EXOSC7: variants seen among roughly 807,000 people sequenced by gnomAD.
The protein encoded by EXOSC7 is exosome complex component RRP42.
A neutral mutation model predicts 34.3 loss-of-function variants in EXOSC7; 25 were observed. The observed-to-expected ratio is 0.73, with a 90% CI of 0.53 to 1.02. EXOSC7 has a LOEUF of 1.02. Among genes scored for constraint, EXOSC7 ranks in the 50% least tolerant of loss-of-function variants. The pLI, the probability that EXOSC7 is intolerant of heterozygous loss-of-function variation, is 0.00. For synonymous variants in EXOSC7, 130 were observed against 143.0 expected (o/e 0.91, Z 0.65); for missense variants, 370 against 368.5 (o/e 1.00, Z -0.03).
At position 44,977,639 on chromosome 3, in the gene EXOSC7, G is replaced by A. The variant is rs539627281; in HGVS notation, c.57+1305G>A. 4.6e-5 allele frequency among the ~76,000 whole-genome samples: 7 copies of A among 152,300 alleles called. No individual in the cohort carries two copies. In the South Asian group the frequency reaches 1.5e-3, roughly 32 times the overall value. ...TTTGTGTGTGAGGGGGCATAAAAAT[G>A]CCCAAAAGCAGTTAGATATGTCTTT... On this transcript the variant is annotated intron_variant, in intron 1 of 7. Coordinates refer to ENST00000265564, the MANE Select transcript of EXOSC7 (RefSeq NM_015004.4).
Position 44,979,598 on chromosome 3 carries a change from T to TC in EXOSC7, c.57+3269dup, listed in dbSNP as rs1553697879. On this transcript the variant is annotated intron_variant, in intron 1 of 7. Transcript: ENST00000265564. ...TCCTAATCTCTGCTGGTTTTTTTTT[T>TC]CCCCCTCTTTGCTTTGTTTTTGTCT... Among the ~76,000 whole-genome samples, 318 of 150,596 alleles carry TC rather than the reference T, an allele frequency of 2.1e-3. 2 individuals are homozygous for TC. The highest frequency in any genetic ancestry group is 6.2e-3 in the African/African-American group (253 of 41,048).
At position 44,976,254 on chromosome 3, in the gene EXOSC7, C is replaced by T. The variant is rs765609131; in HGVS notation, c.-24C>T. 2.3e-5 allele frequency: 35 copies of T among 1,533,922 alleles called. 1 individual carries two copies. The South Asian group carries it at 4.2e-4, about 18-fold the overall frequency. On this transcript the variant is annotated 5_prime_UTR_variant, in exon 1 of 8. Transcript: ENST00000265564. ...GGAGGGGACGCGCGCAGATGACGTG[C>T]GGCTCGTGGGGCAGCTCGGCAGCAT... is the stretch of plus-strand genomic sequence containing the variant.
In EXOSC7 at chr3:45,011,339, AT is replaced by A; in HGVS notation, c.*3del. 6.3e-7 allele frequency: 1 copy of A among 1,586,624 alleles called. No homozygotes were observed. The highest frequency in any genetic ancestry group is 8.6e-7 in the Non-Finnish European group (1 of 1,156,692). ...GACAGAAAGTTGGATTCCTGGGATG[AT>A]TTGCACATCAACTGCTCAACTGTGG... On this transcript the variant is annotated 3_prime_UTR_variant, in exon 8 of 8. Transcript: ENST00000265564.
rs144128069 is a variant in EXOSC7, at chr3:44,976,642, G to T, written c.57+308G>T. On this transcript the variant is annotated intron_variant, in intron 1 of 7. Coordinates refer to ENST00000265564, the MANE Select transcript of EXOSC7 (RefSeq NM_015004.4). ...CCCCAGGGCCATCCATTCGGCGTTC[G>T]CGCACAGATCTTGTCCGAGCCTCAG... Among the ~76,000 whole-genome samples, 16 of 152,302 alleles carry T rather than the reference G, an allele frequency of 1.1e-4. No individual in the cohort carries two copies. The East Asian group carries it at 3.1e-3, about 29-fold the overall frequency.
At chr3:44,996,033 C>G (rs1187667155) in intron 3 of EXOSC7, among the ~76,000 whole-genome samples, 1 of 152,166 alleles carries the variant, frequency 6.6e-6, no homozygotes, top group Admixed American at 6.5e-5. Flanking sequence ...ACTGTTTGCT[C>G]CCTATGGTGA....
At chr3:44,991,740 A>G (rs1706577908) in intron 3 of EXOSC7, among the ~76,000 whole-genome samples, 1 of 152,122 alleles carries the variant, frequency 6.6e-6, no homozygotes, top group Non-Finnish European at 1.5e-5. Context: ...TGGCTTCTAG[A>G]AGTAGCCTAT....
rs769988816 is a variant in EXOSC7 at position 45,007,469 on chromosome 3, C to CGCTGGCCAGCTT, written c.671_682dup (p.Ala224_Leu227dup). On this transcript the variant is annotated inframe_insertion, in exon 7 of 8. Coordinates refer to ENST00000265564, the MANE Select transcript of EXOSC7 (RefSeq NM_015004.4). Reference sequence around the variant, plus strand: ...GCTACTCTTCAGGAGGAGGCCTGCTCGCTGGCCAGCTTGCTGGTGTCGGTG... The same window carrying CGCTGGCCAGCTT: ...GCTACTCTTCAGGAGGAGGCCTGCTCGCTGGCCAGCTTGCTGGCCAGCTTGCTGGTGTCGGTG... The CGCTGGCCAGCTT allele has an allele frequency of 6.2e-7, 1 of 1,614,120 alleles. No individual in the cohort carries two copies. The highest frequency in any genetic ancestry group is 8.5e-7 in the Non-Finnish European group (1 of 1,180,002).
At chr3:44,989,675 G>A in intron 3 of EXOSC7, 31 bp downstream of exon 3, 1 of 1,503,576 alleles carries the variant, frequency 6.7e-7, no homozygotes, top group Non-Finnish European at 9.2e-7. Context: ...TATTTCTAAA[G>A]ATAAATGATT....
In EXOSC7 at chr3:44,997,224, A is replaced by T; in HGVS notation, c.392A>T (p.His131Leu). 3 of 1,613,890 alleles carry T rather than the reference A, an allele frequency of 1.9e-6. No individual in the cohort carries two copies. The highest frequency in any genetic ancestry group is 2.5e-6 in the Non-Finnish European group (3 of 1,179,956). ...LKTLCISPREHCWVLYVDVLL... is the reference protein window; with the variant it reads ...LKTLCISPRELCWVLYVDVLL... ...ACCCTCTGCATTAGTCCTCGGGAGC[A>T]CTGCTGGGTTCTCTATGTGGATGTG... The change falls in exon 4 of 8, where the codon CAC (histidine) becomes CTC (leucine). Residue 131 changes from histidine to leucine, a missense_variant. Physicochemically the swap from His to Leu is moderately conservative, Grantham distance 99. This residue lies in a region of EXOSC7 where 255 missense variants were observed against 246.4 expected (regional missense o/e 1.03). Coordinates refer to ENST00000265564, the MANE Select transcript of EXOSC7 (RefSeq NM_015004.4).
chr3:44,982,207 G>C (rs996450756), intron 1 of EXOSC7, among the ~76,000 whole-genome samples: 1 of 152,164 alleles, frequency 6.6e-6, no homozygotes, highest in East Asian at 1.9e-4. Context: ...GTGTTTCTCA[G>C]ATCAGAGACC....
At chr3:44,979,945 G>T (rs976206589) in intron 1 of EXOSC7, among the ~76,000 whole-genome samples, 3 of 147,528 alleles carry the variant, frequency 2.0e-5, no homozygotes, top group African/African-American at 7.9e-5. Flanking sequence ...AGAGCAGTAT[G>T]GGGGGGGTTT....
chr3:44,995,275 G>A (rs1306354870), intron 3 of EXOSC7, among the ~76,000 whole-genome samples: 1 of 152,162 alleles, frequency 6.6e-6, no homozygotes, highest in Admixed American at 6.5e-5. Flanking sequence ...GAGCCACCAC[G>A]CCTGGCCAGG....
chr3:44,997,100 A>G lies in EXOSC7; in HGVS notation c.268A>G (p.Thr90Ala). ...TGTTTTGTATAGTTCAGCCAGTGCT[A>G]CCCCTGAATTTGAAGGTAGAGGAGG... is the stretch of plus-strand genomic sequence containing the variant. ...EFFVDCSASA[T>A]PEFEGRGGDD... is the part of the protein sequence containing the mutation. Residue 90 changes from threonine (T) to alanine (A), a missense_variant, in exon 4 of 8, where the codon ACC becomes GCC. By Grantham distance (58) the Thr-to-Ala change is moderately conservative. This residue lies in a region of EXOSC7 where 20 missense variants were observed against 42.2 expected (regional missense o/e 0.47). Transcript: ENST00000265564. The G allele has an allele frequency of 1.2e-6, 2 of 1,614,094 alleles. No homozygotes were observed. The highest frequency in any genetic ancestry group is 1.7e-6 in the Non-Finnish European group (2 of 1,180,014).
chr3:44,996,236 G>A (rs1706718585), intron 3 of EXOSC7, among the ~76,000 whole-genome samples: 1 of 152,132 alleles, frequency 6.6e-6, no homozygotes. Context: ...TACTGTTACA[G>A]TAAAATAATT....
intron 5 of EXOSC7, among the ~76,000 whole-genome samples, chr3:45,003,350 CGTGT>C (rs1172295091): frequency 8.6e-3 from 146 of 17,000 alleles, no homozygotes; most frequent in African/African-American, 0.048. Context: ...TGCGTGCGTG[CGTGT>C]GTGTGTGTAT....
Position 45,005,264 on chromosome 3 carries a change from GA to G in EXOSC7, c.492-25del, listed in dbSNP as rs560289106. The G allele has an allele frequency of 6.6e-3, 10,680 of 1,613,134 alleles. 47 individuals carry two copies. The highest frequency in any genetic ancestry group is 8.2e-3 in the Non-Finnish European group (9,636 of 1,179,388). On this transcript the variant is annotated intron_variant, in intron 5 of 7. Transcript: ENST00000265564. ...AAGTTATTTTTCCTCCTCCAAGTGG[GA>G]ATTTTACTAGTGCTTCTGCTTCCAG...
At chr3:44,996,637 T>C (rs1706729563) in intron 3 of EXOSC7, among the ~76,000 whole-genome samples, 1 of 152,234 alleles carries the variant, frequency 6.6e-6, no homozygotes, top group Admixed American at 6.5e-5. Context: ...TATCGTAGTG[T>C]GTTCTAAAGC....
intron 1 of EXOSC7, among the ~76,000 whole-genome samples, chr3:44,986,058 G>A (rs1222604409): frequency 1.3e-5 from 2 of 152,196 alleles, no homozygotes; most frequent in African/African-American, 2.4e-5. Context: ...GCTTCAACCA[G>A]TGGATCCTGC....
intron 1 of EXOSC7, among the ~76,000 whole-genome samples, chr3:44,979,049 C>T (rs1385012445): frequency 6.6e-6 from 1 of 152,228 alleles, no homozygotes; most frequent in African/African-American, 2.4e-5. Flanking sequence ...AAATGCTCAG[C>T]TCTGTGTATC....
Sources: gnomAD v4.1 joint callset for allele counts (sites outside exome capture counted in the v4.1 genomes callset) on GRCh38, gnomAD v4.1.1 for gene constraint, gnomAD v4.1.1 regional missense constraint, MANE v1.5 for transcripts, NCBI Gene and HGNC (gene_info 2026-07-23, HGNC 2026-07-21) for gene names.